The following CHD7 variants were observed in gnomAD, a reference collection of about 807,000 sequenced individuals.
CHD7 encodes the protein chromodomain helicase DNA binding protein 7.
Under a neutral mutation model 307.3 loss-of-function variants are expected in CHD7, and 24 were observed. The observed-to-expected ratio is 0.08, with a 90% CI of 0.06 to 0.11. The LOEUF (loss-of-function observed/expected upper bound fraction) is 0.11, where lower values mean the gene tolerates loss of function less well. Ranked by LOEUF, CHD7 falls within the 10% of genes least tolerant of loss-of-function variation. The pLI, the probability that CHD7 is intolerant of heterozygous loss-of-function variation, is 1.00. For synonymous variants in CHD7, 1,363 were observed against 1,349.9 expected (o/e 1.01, Z -0.21); for missense variants, 3,106 against 3,727.1 (o/e 0.83, Z 4.34).
At chr8:60,784,321 T>C (rs1811392571) in intron 3 of CHD7, among the ~76,000 whole-genome samples, 1 of 152,204 alleles carries the variant, frequency 6.6e-6, no homozygotes, top group African/African-American at 2.4e-5. Flanking sequence ...TGAATTTGTT[T>C]ATACAGAAAA....
rs1302545775 is a variant in CHD7, at chr8:60,852,903, C to G, written c.6178C>G (p.Leu2060Val). 1 of 1,613,980 alleles carries G rather than the reference C, an allele frequency of 6.2e-7. No homozygotes were observed. Among genetic ancestry groups the G allele is most frequent in the Admixed American group, 1.7e-5 (1 of 60,014 alleles). ...CTCTCGAACTCTGTACCGCATTGAG[C>G]TGCTACGGAAGATCCGCGAGCAGGT... ...RASRTLYRIE[L>V]LRKIREQVLH... Residue 2060 changes from leucine to valine, a missense_variant, in exon 31 of 38, where the codon CTG (leucine) becomes GTG (valine). Leu to Val is a conservative substitution (Grantham distance 32). Transcript: ENST00000423902.
intron 25 of CHD7, among the ~76,000 whole-genome samples, chr8:60,849,639 A>G (rs1440032017): frequency 6.6e-6 from 1 of 152,184 alleles, no homozygotes; most frequent in East Asian, 1.9e-4. Flanking sequence ...AAGGCTGGGG[A>G]TGCAGAACTG....
chr8:60,831,846 A>G (rs1804532220), intron 15 of CHD7, among the ~76,000 whole-genome samples: 1 of 152,150 alleles, frequency 6.6e-6, no homozygotes, highest in Admixed American at 6.5e-5. Flanking sequence ...GCTAATTTAA[A>G]GAATTTCTAA....
intron 1 of CHD7, among the ~76,000 whole-genome samples, chr8:60,707,674 G>A (rs949359344): frequency 6.6e-6 from 1 of 152,102 alleles, no homozygotes; most frequent in Non-Finnish European, 1.5e-5. Flanking sequence ...CACATCCTAT[G>A]TACATTTAAG....
chr8:60,844,529 T>C (rs1183174119), intron 21 of CHD7, among the ~76,000 whole-genome samples: 3 of 152,110 alleles, frequency 2.0e-5, no homozygotes, highest in Non-Finnish European at 2.9e-5. Flanking sequence ...ATCATGACAG[T>C]GTGAAGCAAA....
intron 2 of CHD7, among the ~76,000 whole-genome samples, chr8:60,748,245 A>G (rs536287090): frequency 1.3e-5 from 2 of 152,276 alleles, no homozygotes; most frequent in African/African-American, 4.8e-5. Flanking sequence ...GTCTTTGCTG[A>G]GATGTGAAGG....
In CHD7 at chr8:60,742,468, A is replaced by G. The variant is rs1809092517; in HGVS notation, c.1036A>G (p.Arg346Gly). Residue 346 changes from arginine (R) to glycine (G), a missense_variant, in exon 2 of 38, where the codon AGA becomes GGA. By Grantham distance (125) the Arg-to-Gly change is moderately radical. Transcript: ENST00000423902. ...TACTCCAATGAATCAGTCCGTACCA[A>G]GATACCCCAATGCTGTAGGATTCCC... is the stretch of plus-strand genomic sequence containing the variant. ...NNTPMNQSVP[R>G]YPNAVGFPSN... The G allele has an allele frequency of 6.2e-7, 1 of 1,613,928 alleles. No individual in the cohort carries two copies. Among genetic ancestry groups the G allele is most frequent in the Non-Finnish European group, 8.5e-7 (1 of 1,179,900 alleles).
chr8:60,839,308 A>G lies in CHD7; in HGVS notation c.4533+1053A>G, dbSNP rs1028651393. ...TTATTGCTGAACAATATTCCATTGTATGGGTATACCACCTTTACTTGTTGA... is the reference window on the plus strand; with the variant it reads ...TTATTGCTGAACAATATTCCATTGTGTGGGTATACCACCTTTACTTGTTGA... On this transcript the variant is annotated intron_variant, in intron 19 of 37. Coordinates refer to ENST00000423902, the MANE Select transcript of CHD7 (RefSeq NM_017780.4). 7.2e-5 allele frequency among the ~76,000 whole-genome samples: 11 copies of G among 152,344 alleles called. No individual in the cohort carries two copies. The East Asian group carries it at 2.1e-3, about 29-fold the overall frequency.
intron 21 of CHD7, among the ~76,000 whole-genome samples, chr8:60,842,390 A>T (rs530117642): frequency 6.6e-6 from 1 of 152,346 alleles, no homozygotes; most frequent in East Asian, 1.9e-4. Flanking sequence ...CTTTGCATAA[A>T]ATTTATGACT....
At chr8:60,815,909 A>G (rs1459054050) in intron 7 of CHD7, among the ~76,000 whole-genome samples, 1 of 152,210 alleles carries the variant, frequency 6.6e-6, no homozygotes, top group Non-Finnish European at 1.5e-5. Flanking sequence ...CTTATCTCCA[A>G]AGAAACTGCT....
intron 1 of CHD7, among the ~76,000 whole-genome samples, chr8:60,708,055 G>T (rs375950723): frequency 1.1e-4 from 16 of 152,328 alleles, no homozygotes; most frequent in African/African-American, 3.6e-4. Context: ...AGAGAGAGCG[G>T]TGATAAAGGT....
rs762891322 is a variant in CHD7 at position 60,742,781 on chromosome 8, T to C, written c.1349T>C (p.Met450Thr). 3 of 1,613,928 alleles carry C rather than the reference T, an allele frequency of 1.9e-6. No homozygotes were observed. The highest frequency in any genetic ancestry group is 2.5e-6 in the Non-Finnish European group (3 of 1,179,896). Reference sequence around the variant, plus strand: ...GCCATGGGAATCGGACAGAGGAATATGGGCCCCAGAAACATGCAGCAGTCT... The same window carrying C: ...GCCATGGGAATCGGACAGAGGAATACGGGCCCCAGAAACATGCAGCAGTCT... ...PGAMGIGQRN[M>T]GPRNMQQSRP... is the part of the protein sequence containing the mutation. Residue 450 changes from methionine to threonine, a missense_variant, in exon 2 of 38, where the codon ATG becomes ACG. Transcript: ENST00000423902.
At chr8:60,700,980 T>A (rs936915420) in intron 1 of CHD7, among the ~76,000 whole-genome samples, 9 of 152,200 alleles carry the variant, frequency 5.9e-5, no homozygotes, top group Non-Finnish European at 1.0e-4. Flanking sequence ...TCTCAGGTTT[T>A]GAGCTGAGTG....
At chr8:60,807,779 A>G (rs1812604027) in intron 6 of CHD7, among the ~76,000 whole-genome samples, 1 of 152,264 alleles carries the variant, frequency 6.6e-6, no homozygotes, top group Admixed American at 6.5e-5. Flanking sequence ...AAATATTTTA[A>G]AACATTACAA....
At chr8:60,816,643 A>G (rs1049327120) in intron 8 of CHD7, 142 bp downstream of exon 8, 3 of 595,948 alleles carry the variant, frequency 5.0e-6, no homozygotes, top group Non-Finnish European at 5.9e-6. Context: ...GGTTCTTGCT[A>G]ACAAATTTGT....
intron 1 of CHD7, among the ~76,000 whole-genome samples, chr8:60,679,976 G>C (rs1805509738): frequency 6.6e-6 from 1 of 151,880 alleles, no homozygotes; most frequent in Non-Finnish European, 1.5e-5. Flanking sequence ...AAGAAAGGGA[G>C]CGGGGCCGGG....
intron 1 of CHD7, among the ~76,000 whole-genome samples, chr8:60,728,814 GTT>G (rs988832441): frequency 6.6e-6 from 1 of 152,112 alleles, no homozygotes; most frequent in Non-Finnish European, 1.5e-5. Context: ...AGATAACAAA[GTT>G]TATTTATTTT....
At chr8:60,753,051 G>T (rs538248417) in intron 2 of CHD7, among the ~76,000 whole-genome samples, 1 of 152,312 alleles carries the variant, frequency 6.6e-6, no homozygotes, top group Non-Finnish European at 1.5e-5. Context: ...ATTTTTGGCT[G>T]CTCAAATATG....
At chr8:60,755,775 A>C (rs1809862639) in intron 2 of CHD7, among the ~76,000 whole-genome samples, 1 of 152,188 alleles carries the variant, frequency 6.6e-6, no homozygotes, top group African/African-American at 2.4e-5. Flanking sequence ...CAGTCAACTC[A>C]AGGTTTAAGG....
Sources: allele counts gnomAD v4.1 joint callset (sites outside exome capture counted in the v4.1 genomes callset), GRCh38; gene constraint gnomAD v4.1.1; transcripts MANE v1.5; gene names NCBI Gene and HGNC (gene_info 2026-07-23, HGNC 2026-07-21).